XKR9: variants seen among roughly 807,000 people sequenced by gnomAD.
The protein encoded by XKR9 is XK related 9, also known as XK-related protein 9.
In XKR9, 32 loss-of-function variants were observed where a neutral mutation model predicts 32.0. That is an observed-to-expected ratio of 1.00 (90% CI 0.76 to 1.34). The LOEUF is 1.34. XKR9 is among the 40% of genes most tolerant of loss of function. The pLI is 0.00. For synonymous variants in XKR9, 168 were observed against 143.4 expected, an observed-to-expected ratio of 1.17 and a Z score of -1.22; for missense variants, 546 against 429.7, an observed-to-expected ratio of 1.27 and a Z score of -2.39.
intron 2 of XKR9, among the ~76,000 whole-genome samples, chr8:70,742,787 C>T (rs1257369883): frequency 6.6e-6 from 1 of 151,952 alleles, no homozygotes; most frequent in Non-Finnish European, 1.5e-5. Context: ...TCATTATTCC[C>T]CTGTGTGTAA....
the XKR9 span, among the ~76,000 whole-genome samples, chr8:71,052,307 A>G: frequency 6.6e-6 from 1 of 152,154 alleles, no homozygotes; most frequent in African/African-American, 2.4e-5. Context: ...AGGCTGTCTT[A>G]GTTGCACTGT....
At chr8:70,717,970 T>C (rs956262302) in intron 4 of XKR9, among the ~76,000 whole-genome samples, 1 of 152,168 alleles carries the variant, frequency 6.6e-6, no homozygotes, top group Non-Finnish European at 1.5e-5. Context: ...CCAGTCTCTT[T>C]GCATAGCAAG....
chr8:71,048,415 T>A, the XKR9 span, among the ~76,000 whole-genome samples: 29 of 152,172 alleles, frequency 1.9e-4, no homozygotes, highest in African/African-American at 7.0e-4. Context: ...AATCTATTAA[T>A]AATAGGTATA....
At chr8:70,783,946 T>G (rs1807649299) in intron 2 of XKR9, among the ~76,000 whole-genome samples, 1 of 152,206 alleles carries the variant, frequency 6.6e-6, no homozygotes. Flanking sequence ...CCGACACCAT[T>G]TATTGAAGAG....
At chr8:70,907,247 G>A in the XKR9 span, among the ~76,000 whole-genome samples, 1,479 of 152,126 alleles carry the variant, frequency 9.7e-3, 23 homozygotes, top group African/African-American at 0.034. Flanking sequence ...ACTCTCTGTG[G>A]ACTAATAGAT....
the XKR9 span, among the ~76,000 whole-genome samples, chr8:70,837,678 A>C: frequency 1.3e-5 from 2 of 152,188 alleles, no homozygotes; most frequent in South Asian, 2.1e-4. Context: ...TGCTGGTCTC[A>C]ACCCTGGTTT....
intron 2 of XKR9, among the ~76,000 whole-genome samples, chr8:70,778,102 C>T (rs1363791637): frequency 6.6e-6 from 1 of 152,090 alleles, no homozygotes; most frequent in African/African-American, 2.4e-5. Context: ...ACATTTAAGT[C>T]TTTTATCTAT....
the XKR9 span, among the ~76,000 whole-genome samples, chr8:70,919,615 A>G: frequency 6.6e-6 from 1 of 152,092 alleles, no homozygotes; most frequent in African/African-American, 2.4e-5. Context: ...TTTCCCTTCA[A>G]TTTCTCTAGA....
chr8:70,969,623 C>T, the XKR9 span, among the ~76,000 whole-genome samples: 2 of 152,182 alleles, frequency 1.3e-5, no homozygotes, highest in Admixed American at 1.3e-4. Context: ...TCCCTTTCTC[C>T]CTTTCCCTCA....
chr8:70,926,679 T>A, the XKR9 span, among the ~76,000 whole-genome samples: 3 of 152,142 alleles, frequency 2.0e-5, no homozygotes, highest in Non-Finnish European at 4.4e-5. Context: ...TATGCACAGG[T>A]CACTTACTAT....
chr8:70,967,250 T>C, the XKR9 span, among the ~76,000 whole-genome samples: 1 of 152,000 alleles, frequency 6.6e-6, no homozygotes, highest in Admixed American at 6.5e-5. Context: ...GTATGTTTTT[T>C]AGTAGAGACG....
At chr8:70,868,607 A>T in the XKR9 span, among the ~76,000 whole-genome samples, 1 of 151,990 alleles carries the variant, frequency 6.6e-6, no homozygotes, top group Non-Finnish European at 1.5e-5. Context: ...AGCCCATGAA[A>T]CCACTTTTTC....
At chr8:70,854,086 C>T in the XKR9 span, among the ~76,000 whole-genome samples, 894 of 152,230 alleles carry the variant, frequency 5.9e-3, 12 homozygotes, top group African/African-American at 0.021. Context: ...GTTCTAGATC[C>T]CTGAGGAATC....
At chr8:70,882,072 T>C in the XKR9 span, among the ~76,000 whole-genome samples, 1 of 152,100 alleles carries the variant, frequency 6.6e-6, no homozygotes, top group East Asian at 1.9e-4. Flanking sequence ...ATGAAATCAC[T>C]TGGACACAGG....
chr8:70,824,664 T>C, the XKR9 span, among the ~76,000 whole-genome samples: 3 of 152,102 alleles, frequency 2.0e-5, no homozygotes, highest in Non-Finnish European at 4.4e-5. Flanking sequence ...GTTACATTTT[T>C]TCTCTTTCTG....
chr8:71,038,958 C>T, the XKR9 span, among the ~76,000 whole-genome samples: 2 of 151,810 alleles, frequency 1.3e-5, no homozygotes, highest in Non-Finnish European at 1.5e-5. Context: ...CGCACACCAC[C>T]GTACCCGGCT....
At chr8:70,984,149 AG>A in the XKR9 span, among the ~76,000 whole-genome samples, 1 of 152,210 alleles carries the variant, frequency 6.6e-6, no homozygotes, top group Non-Finnish European at 1.5e-5. Context: ...GAGTCTGGAA[AG>A]CTTATGTGAT....
intron 2 of XKR9, among the ~76,000 whole-genome samples, chr8:70,783,974 C>T (rs1005401873): frequency 1.3e-5 from 2 of 152,100 alleles, no homozygotes; most frequent in African/African-American, 2.4e-5. Context: ...TTTTCCAATG[C>T]GTGTCCTTAG....
the XKR9 span, among the ~76,000 whole-genome samples, chr8:70,831,526 A>T: frequency 7.2e-5 from 11 of 151,886 alleles, no homozygotes; most frequent in Non-Finnish European, 1.5e-4. Context: ...CTTCTCCTTC[A>T]TCTCTTCTCC....
Sources: allele counts gnomAD v4.1 joint callset (sites outside exome capture counted in the v4.1 genomes callset), GRCh38; gene constraint gnomAD v4.1.1; transcripts MANE v1.5; gene names NCBI Gene and HGNC (gene_info 2026-07-23, HGNC 2026-07-21).